SLC24A2: variants seen among roughly 807,000 people sequenced by gnomAD.
SLC24A2 encodes sodium/potassium/calcium exchanger 2.
In SLC24A2, 36 loss-of-function variants were observed where a neutral mutation model predicts 62.0. The observed-to-expected ratio is 0.58, with a 90% confidence interval of 0.44 to 0.77. The LOEUF (loss-of-function observed/expected upper bound fraction) is 0.77. SLC24A2 is among the 30% of genes least tolerant of loss of function. The probability of loss-of-function intolerance (pLI) is 0.00; values close to 1 mark genes in which losing one functional copy is unlikely to be tolerated. For missense variants in SLC24A2, 846 were observed against 817.9 expected (o/e 1.03, Z -0.42); for synonymous variants, 358 against 294.0 (o/e 1.22, Z -2.23).
intron 7 of SLC24A2, among the ~76,000 whole-genome samples, chr9:19,569,646 A>G (rs1835782822): frequency 6.6e-6 from 1 of 152,048 alleles, no homozygotes; most frequent in Non-Finnish European, 1.5e-5. Flanking sequence ...CCTCTAAGAC[A>G]CCGTGGCGCC....
the SLC24A2 span, among the ~76,000 whole-genome samples, chr9:19,934,620 C>A: frequency 6.6e-6 from 1 of 152,248 alleles, no homozygotes; most frequent in Admixed American, 6.5e-5. The surrounding 1 kb of genome is among the most constrained non-coding windows in gnomAD (Gnocchi z 4.1). Flanking sequence ...GCCAGCACCT[C>A]CTGCCTCATT....
chr9:20,185,897 A>T, the SLC24A2 span, among the ~76,000 whole-genome samples: 1 of 152,168 alleles, frequency 6.6e-6, no homozygotes, highest in Non-Finnish European at 1.5e-5. Context: ...GCATTTATTT[A>T]TCTGAGATGT....
chr9:19,937,305 G>C, the SLC24A2 span, among the ~76,000 whole-genome samples: 5 of 152,218 alleles, frequency 3.3e-5, no homozygotes, highest in African/African-American at 9.6e-5. Flanking sequence ...GGCATGGAGA[G>C]ATGATTAACA....
chr9:20,105,246 A>G, the SLC24A2 span, among the ~76,000 whole-genome samples: 2 of 152,160 alleles, frequency 1.3e-5, no homozygotes, highest in African/African-American at 4.8e-5. Context: ...CACAATAATA[A>G]TGGGAGACTT....
At chr9:20,074,148 T>C in the SLC24A2 span, among the ~76,000 whole-genome samples, 1 of 152,078 alleles carries the variant, frequency 6.6e-6, no homozygotes. Flanking sequence ...TATTTGCTTC[T>C]CAGAAAACAC....
chr9:19,981,853 T>C, the SLC24A2 span, among the ~76,000 whole-genome samples: 4 of 152,272 alleles, frequency 2.6e-5, no homozygotes, highest in East Asian at 5.8e-4. Context: ...TACATTTGCC[T>C]ACAACAATTC....
the SLC24A2 span, among the ~76,000 whole-genome samples, chr9:20,037,075 T>C: frequency 1.3e-5 from 2 of 151,992 alleles, no homozygotes; most frequent in African/African-American, 4.8e-5. Flanking sequence ...TTTTTGTACT[T>C]TTAGTAGAAA....
chr9:19,701,451 C>G (rs1335788276), intron 2 of SLC24A2, among the ~76,000 whole-genome samples: 3 of 152,170 alleles, frequency 2.0e-5, no homozygotes, highest in Admixed American at 1.3e-4. Flanking sequence ...CCAGCTCCCC[C>G]GCACTTTGGG....
At chr9:19,684,420 T>C (rs1259892725) in intron 2 of SLC24A2, among the ~76,000 whole-genome samples, 1 of 152,086 alleles carries the variant, frequency 6.6e-6, no homozygotes, top group Non-Finnish European at 1.5e-5. Flanking sequence ...TCAAAACTAG[T>C]TTCCGTGATG....
At chr9:20,255,325 A>T in the SLC24A2 span, among the ~76,000 whole-genome samples, 2 of 152,198 alleles carry the variant, frequency 1.3e-5, no homozygotes, top group African/African-American at 4.8e-5. Context: ...GGTGGCATTA[A>T]ACAGTGTAGT....
chr9:19,711,554 T>C (rs916600372), intron 2 of SLC24A2, among the ~76,000 whole-genome samples: 6 of 152,246 alleles, frequency 3.9e-5, no homozygotes, highest in African/African-American at 1.4e-4. Flanking sequence ...CTTAGTTTTG[T>C]TGTCCTTTCA....
chr9:19,819,047 A>G, the SLC24A2 span, among the ~76,000 whole-genome samples: 10 of 106,448 alleles, frequency 9.4e-5, no homozygotes, highest in African/African-American at 3.1e-4. Flanking sequence ...AAACCCAGAT[A>G]CTTACAGCCA....
intron 2 of SLC24A2, among the ~76,000 whole-genome samples, chr9:19,663,773 C>T (rs1819171085): frequency 6.6e-6 from 1 of 152,174 alleles, no homozygotes; most frequent in Non-Finnish European, 1.5e-5. Flanking sequence ...CATGCATATG[C>T]CTGGCACCAT....
intron 2 of SLC24A2, among the ~76,000 whole-genome samples, chr9:19,636,278 CTT>C (rs1818311024): frequency 8.7e-5 from 1 of 11,504 alleles, no homozygotes; most frequent in Non-Finnish European, 1.8e-4. Context: ...CTCTTCTTCT[CTT>C]CTTCTCTTCT....
chr9:20,306,759 T>A, the SLC24A2 span, among the ~76,000 whole-genome samples: 1 of 152,188 alleles, frequency 6.6e-6, no homozygotes, highest in African/African-American at 2.4e-5. Context: ...TGCAGTGGCG[T>A]GATCTTGGTC....
chr9:19,541,638 A>G (rs1451214782), intron 8 of SLC24A2, among the ~76,000 whole-genome samples: 1 of 148,124 alleles, frequency 6.8e-6, no homozygotes, highest in African/African-American at 2.5e-5. Context: ...TTAAGTCTGC[A>G]GAGGTTACTG....
chr9:19,882,604 T>C, the SLC24A2 span, among the ~76,000 whole-genome samples: 4 of 151,538 alleles, frequency 2.6e-5, no homozygotes, highest in African/African-American at 9.7e-5. Flanking sequence ...GCTGCCACTG[T>C]CAGCTTTAAC....
the SLC24A2 span, among the ~76,000 whole-genome samples, chr9:20,050,205 A>G: frequency 7.1e-6 from 1 of 140,056 alleles, no homozygotes; most frequent in Non-Finnish European, 1.5e-5. Context: ...AATGAAACCA[A>G]CCAGCCTGGC....
the SLC24A2 span, among the ~76,000 whole-genome samples, chr9:20,093,559 G>C: frequency 1.3e-5 from 2 of 151,892 alleles, no homozygotes; most frequent in Non-Finnish European, 2.9e-5. Flanking sequence ...CATAAACTTT[G>C]TCTCTCAAAA....
Sources: gnomAD v4.1 joint callset for allele counts (sites outside exome capture counted in the v4.1 genomes callset) on GRCh38, gnomAD v4.1.1 for gene constraint, Gnocchi (gnomAD v3.1) non-coding constraint, MANE v1.5 for transcripts, NCBI Gene and HGNC (gene_info 2026-07-23, HGNC 2026-07-21) for gene names.